TYW1B: variants seen among roughly 807,000 people sequenced by gnomAD.
TYW1B encodes tRNA-yW synthesizing protein 1 homolog B, also known as S-adenosyl-L-methionine-dependent tRNA 4-demethylwyosine synthase TYW1B.
TYW1B carries 73 observed loss-of-function variants against 86.9 expected under a neutral mutation model. That is an observed-to-expected ratio of 0.84 (90% CI 0.70 to 1.02). The LOEUF (loss-of-function observed/expected upper bound fraction) is 1.02. Ranked by LOEUF, TYW1B falls within the 50% of genes least tolerant of loss-of-function variation. The pLI, the probability that TYW1B is intolerant of heterozygous loss-of-function variation, is 0.00. For synonymous variants in TYW1B, 248 were observed against 292.8 expected, an observed-to-expected ratio of 0.85 and a Z score of 1.56; for missense variants, 637 against 827.4, an observed-to-expected ratio of 0.77 and a Z score of 2.82.
chr7:72,616,464 G>C (rs1340930994), intron 13 of TYW1B, among the ~76,000 whole-genome samples: 1 of 152,186 alleles, frequency 6.6e-6, no homozygotes, highest in Non-Finnish European at 1.5e-5. Flanking sequence ...AAGGTGTCCA[G>C]AGGAGGGCTA....
chr7:72,659,041 G>A (rs1247219060), intron 11 of TYW1B, among the ~76,000 whole-genome samples: 2 of 152,128 alleles, frequency 1.3e-5, no homozygotes, highest in East Asian at 3.9e-4. Context: ...GATTTAAAAA[G>A]CATGCATTCA....
intron 11 of TYW1B, among the ~76,000 whole-genome samples, chr7:72,674,231 T>C (rs180972455): frequency 6.6e-6 from 1 of 152,122 alleles, no homozygotes; most frequent in African/African-American, 2.4e-5. Context: ...TAGTCCAGAT[T>C]GGCAGCAACC....
chr7:72,796,630 C>A (rs1788310146), intron 6 of TYW1B, among the ~76,000 whole-genome samples: 2 of 151,304 alleles, frequency 1.3e-5, no homozygotes, highest in Non-Finnish European at 2.9e-5. Context: ...TGTAAGAAAC[C>A]CTTCGAGTTG....
intron 12 of TYW1B, among the ~76,000 whole-genome samples, chr7:72,624,931 C>T (rs543845668): frequency 4.6e-5 from 7 of 152,074 alleles, no homozygotes; most frequent in Middle Eastern, 3.4e-3. Flanking sequence ...TGGTGGTGTA[C>T]ACCTGTAATC....
chr7:72,762,970 A>AG (rs1156771800), intron 7 of TYW1B, among the ~76,000 whole-genome samples: 1 of 151,856 alleles, frequency 6.6e-6, no homozygotes, highest in Middle Eastern at 3.2e-3. Context: ...ACAAGGTACT[A>AG]GTTTTCTTTT....
At chr7:72,648,799 G>A (rs113794680) in intron 11 of TYW1B, among the ~76,000 whole-genome samples, 4 of 151,926 alleles carry the variant, frequency 2.6e-5, no homozygotes, top group African/African-American at 7.3e-5. Flanking sequence ...AGGAGTAAGC[G>A]GAGGGTGAAA....
At chr7:72,727,900 C>A (rs564644866) in intron 9 of TYW1B, among the ~76,000 whole-genome samples, 6 of 150,928 alleles carry the variant, frequency 4.0e-5, no homozygotes, top group Middle Eastern at 3.4e-3. Flanking sequence ...AACCAACAAT[C>A]TGTGTTTTAA....
intron 6 of TYW1B, among the ~76,000 whole-genome samples, chr7:72,797,091 G>A (rs1162589448): frequency 6.6e-6 from 1 of 152,168 alleles, no homozygotes; most frequent in Admixed American, 6.6e-5. Context: ...ACAGGCATGA[G>A]CCACCACACC....
chr7:72,591,884 T>C (rs1428248557), intron 13 of TYW1B, among the ~76,000 whole-genome samples: 3 of 152,062 alleles, frequency 2.0e-5, no homozygotes, highest in Admixed American at 2.0e-4. Context: ...TGTGTAGTGG[T>C]GTGATCTCAG....
intron 11 of TYW1B, among the ~76,000 whole-genome samples, chr7:72,646,325 G>C (rs1179559595): frequency 2.0e-5 from 3 of 152,060 alleles, no homozygotes; most frequent in African/African-American, 4.8e-5. Flanking sequence ...GCCTCCCAAA[G>C]TGTTGGGATT....
chr7:72,684,032 C>T (rs1221358038), intron 11 of TYW1B, among the ~76,000 whole-genome samples: 4 of 151,764 alleles, frequency 2.6e-5, no homozygotes, highest in African/African-American at 9.7e-5. Flanking sequence ...AACTGAAAAG[C>T]AAAATGAAAA....
chr7:72,640,221 T>C (rs1417070910), intron 11 of TYW1B, among the ~76,000 whole-genome samples: 1 of 152,056 alleles, frequency 6.6e-6, no homozygotes, highest in Non-Finnish European at 1.5e-5. Flanking sequence ...AATTAGATGC[T>C]AAATTTAAAT....
chr7:72,753,125 AAAAG>A (rs1253290807), intron 7 of TYW1B, among the ~76,000 whole-genome samples: 3 of 152,152 alleles, frequency 2.0e-5, no homozygotes, highest in African/African-American at 4.8e-5. Context: ...ATTAAAAAAA[AAAAG>A]AAAGAAGAGC....
intron 9 of TYW1B, among the ~76,000 whole-genome samples, chr7:72,722,695 A>C (rs1786925980): frequency 6.6e-6 from 1 of 152,218 alleles, no homozygotes; most frequent in Admixed American, 6.5e-5. Context: ...AAAGCTGCTC[A>C]GGACTGGCCA....
chr7:72,602,716 A>T (rs1467618221), intron 13 of TYW1B, among the ~76,000 whole-genome samples: 1 of 152,172 alleles, frequency 6.6e-6, no homozygotes, highest in Admixed American at 6.5e-5. Context: ...CTGAATTTGT[A>T]TCGCTTTCAC....
chr7:72,615,079 T>C (rs1446554927), intron 13 of TYW1B, among the ~76,000 whole-genome samples: 7 of 152,200 alleles, frequency 4.6e-5, no homozygotes, highest in African/African-American at 1.7e-4. Flanking sequence ...GGCTTTCCAT[T>C]CTTCATGTCT....
chr7:72,796,426 G>A (rs1788305991), intron 6 of TYW1B, among the ~76,000 whole-genome samples: 1 of 136,020 alleles, frequency 7.4e-6, no homozygotes, highest in Non-Finnish European at 1.6e-5. Context: ...AGTCGAGACA[G>A]GGTTTCACCA....
At chr7:72,718,902 G>A (rs183311548) in intron 9 of TYW1B, among the ~76,000 whole-genome samples, 26 of 152,114 alleles carry the variant, frequency 1.7e-4, no homozygotes, top group East Asian at 7.7e-4. Context: ...CAGATGCACC[G>A]GGTTCACACT....
Position 72,815,239 on chromosome 7 carries a change from C to T in TYW1B, c.237+141G>A, listed in dbSNP as rs1369983276. The T allele has an allele frequency of 2.0e-5, 16 of 783,302 alleles. No individual in the cohort carries two copies. In the African/African-American group the frequency reaches 2.7e-4, roughly 13 times the overall value. The allele number at this position is 783,302 out of a possible 1,614,324, so 48.5% of individuals were successfully genotyped here. A position where few individuals can be genotyped will look rare whatever the true frequency, so the allele number is the denominator to read the frequency against. On this transcript the variant is annotated intron_variant, in intron 3 of 13. Transcript: ENST00000620995. ...CCCACATTCAGTTCTCTGATTCACA[C>T]TGGAATTCAACTAACTGAAATCCCT...
Sources: gnomAD v4.1 joint callset for allele counts (sites outside exome capture counted in the v4.1 genomes callset) on GRCh38, gnomAD v4.1.1 for gene constraint, MANE v1.5 for transcripts, NCBI Gene and HGNC (gene_info 2026-07-23, HGNC 2026-07-21) for gene names.